The following TENM2 variants were observed in gnomAD, a reference collection of about 807,000 sequenced individuals.
The protein encoded by TENM2 is teneurin-2.
TENM2 carries 52 observed loss-of-function variants against 245.2 expected under a neutral mutation model. The ratio of observed to expected loss-of-function variants is 0.21; its 90% CI spans 0.17 to 0.27. The LOEUF is 0.27. Among genes scored for constraint, TENM2 ranks in the 10% least tolerant of loss-of-function variants. The pLI is 1.00. For synonymous variants in TENM2, 1,363 were observed against 1,438.9 expected, an observed-to-expected ratio of 0.95 and a Z score of 1.19; for missense variants, 3,046 against 3,666.8, an observed-to-expected ratio of 0.83 and a Z score of 4.37.
the TENM2 span, among the ~76,000 whole-genome samples, chr5:167,128,853 G>A: frequency 6.6e-6 from 1 of 152,106 alleles, no homozygotes; most frequent in African/African-American, 2.4e-5. Flanking sequence ...TGTGTGCCCT[G>A]GCACTAGGTA....
chr5:167,237,065 G>A, the TENM2 span, among the ~76,000 whole-genome samples: 1 of 151,976 alleles, frequency 6.6e-6, no homozygotes, highest in Middle Eastern at 3.4e-3. Flanking sequence ...CAATTCCTGG[G>A]GATTTTCTGG....
At chr5:168,135,422 A>G (rs1339034993) in intron 12 of TENM2, among the ~76,000 whole-genome samples, 1 of 152,102 alleles carries the variant, frequency 6.6e-6, no homozygotes, top group African/African-American at 2.4e-5. Flanking sequence ...GCTTGCTGTT[A>G]TTGCCTTTGG....
At chr5:167,158,920 CTCT>C in the TENM2 span, among the ~76,000 whole-genome samples, 1 of 144,172 alleles carries the variant, frequency 6.9e-6, no homozygotes, top group African/African-American at 2.6e-5. Flanking sequence ...CTTCCTCTCT[CTCT>C]CTCTCTCTCT....
intron 7 of TENM2, among the ~76,000 whole-genome samples, chr5:168,069,571 T>A (rs556606329): frequency 6.6e-6 from 1 of 152,302 alleles, no homozygotes; most frequent in East Asian, 1.9e-4. Flanking sequence ...AGGGACTGAT[T>A]GTTCCATGTG....
chr5:167,511,265 A>C (rs922326095), intron 2 of TENM2, among the ~76,000 whole-genome samples: 1 of 152,144 alleles, frequency 6.6e-6, no homozygotes, highest in Non-Finnish European at 1.5e-5. Flanking sequence ...AGAGTAAAAG[A>C]AATTGTCTTT....
At chr5:167,751,020 T>C (rs145405123) in intron 2 of TENM2, among the ~76,000 whole-genome samples, 3 of 152,172 alleles carry the variant, frequency 2.0e-5, no homozygotes, top group African/African-American at 7.2e-5. Context: ...AACTGATTAG[T>C]AGAAGGTAGC....
chr5:168,133,842 T>C (rs1252908149), intron 12 of TENM2, among the ~76,000 whole-genome samples: 3 of 152,208 alleles, frequency 2.0e-5, no homozygotes, highest in Non-Finnish European at 4.4e-5. Flanking sequence ...GCAAGCATGA[T>C]AACAGAGTTT....
intron 1 of TENM2, among the ~76,000 whole-genome samples, chr5:167,312,108 G>A (rs1203290644): frequency 1.3e-5 from 2 of 152,028 alleles, no homozygotes; most frequent in Admixed American, 6.6e-5. Context: ...TGCATATATT[G>A]TTGTATACAT....
At chr5:168,159,893 A>G (rs999354200) in intron 12 of TENM2, among the ~76,000 whole-genome samples, 3 of 152,206 alleles carry the variant, frequency 2.0e-5, no homozygotes, top group Admixed American at 1.3e-4. Context: ...CAATCTAGAA[A>G]TATATGTATT....
At position 168,134,465 on chromosome 5, in the gene TENM2, C is replaced by A. The variant is rs549777150; in HGVS notation, c.2422+7499C>A. Among the ~76,000 whole-genome samples, 12 of 152,258 alleles carry A rather than the reference C, an allele frequency of 7.9e-5. No homozygotes were observed. In the East Asian group the frequency reaches 2.3e-3, roughly 30 times the overall value. ...CTTTGGGAGGCCGAGGCGGGTGGATCGCCTGAGGTCAGGAGTTCGAGACCA... is the reference window on the plus strand; with the variant it reads ...CTTTGGGAGGCCGAGGCGGGTGGATAGCCTGAGGTCAGGAGTTCGAGACCA... On this transcript the variant is annotated intron_variant, in intron 12 of 28. Coordinates refer to ENST00000518659, the Ensembl canonical transcript of TENM2.
intron 1 of TENM2, among the ~76,000 whole-genome samples, chr5:167,350,413 A>ATGTGTGTGTGTGTGTGTG (rs35747170): frequency 2.8e-5 from 4 of 141,896 alleles, no homozygotes; most frequent in African/African-American, 2.6e-5. Flanking sequence ...ATACATATAT[A>ATGTGTGTGTGTGTGTGTG]TGTGTGTGTG....
intron 13 of TENM2, among the ~76,000 whole-genome samples, chr5:168,170,701 T>C (rs1285189086): frequency 6.6e-6 from 1 of 152,196 alleles, no homozygotes; most frequent in Non-Finnish European, 1.5e-5. Context: ...CCAAGTGGTC[T>C]CCCTGCACTC....
chr5:168,141,731 A>G (rs1755567786), intron 12 of TENM2, among the ~76,000 whole-genome samples: 3 of 152,214 alleles, frequency 2.0e-5, no homozygotes, highest in Admixed American at 1.3e-4. Flanking sequence ...GGGAGAAATC[A>G]ACTTTTATTT....
At chr5:167,489,638 A>C (rs1011679681) in intron 2 of TENM2, among the ~76,000 whole-genome samples, 2 of 152,096 alleles carry the variant, frequency 1.3e-5, no homozygotes, top group African/African-American at 2.4e-5. Context: ...TTACTGCTGT[A>C]ATTTTATTCT....
chr5:167,901,067 C>G (rs995344322), intron 3 of TENM2, among the ~76,000 whole-genome samples: 1 of 151,922 alleles, frequency 6.6e-6, no homozygotes. Flanking sequence ...TCTAAGAACA[C>G]GACAGAATAA....
the TENM2 span, among the ~76,000 whole-genome samples, chr5:167,145,782 T>G: frequency 6.6e-6 from 1 of 152,152 alleles, no homozygotes; most frequent in Non-Finnish European, 1.5e-5. Context: ...TGCCCCTTGT[T>G]GAGAACGATA....
intron 2 of TENM2, among the ~76,000 whole-genome samples, chr5:167,871,683 G>A (rs1043506417): frequency 6.6e-6 from 1 of 152,058 alleles, no homozygotes; most frequent in African/African-American, 2.4e-5. Context: ...AGTTGAACCT[G>A]GTTTTCTGTC....
At chr5:167,029,450 G>A in the TENM2 span, among the ~76,000 whole-genome samples, 35 of 152,298 alleles carry the variant, frequency 2.3e-4, no homozygotes, top group Non-Finnish European at 3.4e-4. Flanking sequence ...GATTGTGCAA[G>A]GGTGGAAGGG....
At chr5:167,617,940 A>T (rs1351330572) in intron 2 of TENM2, among the ~76,000 whole-genome samples, 1 of 152,140 alleles carries the variant, frequency 6.6e-6, no homozygotes, top group East Asian at 1.9e-4. Flanking sequence ...TGGCTGAGCC[A>T]TCTGTTCTTT....
Sources: allele counts gnomAD v4.1 joint callset (sites outside exome capture counted in the v4.1 genomes callset), GRCh38; gene constraint gnomAD v4.1.1; transcripts MANE v1.5; gene names NCBI Gene and HGNC (gene_info 2026-07-23, HGNC 2026-07-21).